PCDH11X: variants seen among roughly 807,000 people sequenced by gnomAD.
The protein encoded by PCDH11X is protocadherin-11 X-linked.
A neutral mutation model predicts 53.3 loss-of-function variants in PCDH11X; 18 were observed. The observed-to-expected ratio is 0.34, with a 90% CI of 0.23 to 0.50. The LOEUF (loss-of-function observed/expected upper bound fraction) is 0.50, where lower values mean the gene tolerates loss of function less well. Ranked by LOEUF, PCDH11X falls within the 20% of genes least tolerant of loss-of-function variation. PCDH11X has a pLI of 0.98. For synonymous variants in PCDH11X, 279 were observed against 393.3 expected (o/e 0.71, Z 3.44); for missense variants, 570 against 1,032.4 (o/e 0.55, Z 6.14).
chrX:92,054,744 C>T (rs370802217), intron 6 of PCDH11X, among the ~76,000 whole-genome samples: 44 of 99,172 alleles, frequency 4.4e-4, no homozygotes, highest in African/African-American at 1.6e-3. Flanking sequence ...CACTTGAACC[C>T]GGGAGGCAGA....
intron 6 of PCDH11X, among the ~76,000 whole-genome samples, chrX:92,064,570 G>A (rs1277696748): frequency 4.6e-5 from 5 of 109,827 alleles, no homozygotes; most frequent in Non-Finnish European, 7.6e-5. Context: ...CCTCTTCCCT[G>A]TTCCAGGCAA....
chrX:92,612,222 T>C (rs1602447689), intron 10 of PCDH11X, among the ~76,000 whole-genome samples: 1 of 110,912 alleles, frequency 9.0e-6, no homozygotes, highest in African/African-American at 3.3e-5. Flanking sequence ...CCATCTGGTC[T>C]GGGTTTTGTT....
intron 6 of PCDH11X, among the ~76,000 whole-genome samples, chrX:92,011,174 T>C (rs918177774): frequency 1.8e-5 from 2 of 112,330 alleles, no homozygotes; most frequent in Non-Finnish European, 3.8e-5. Flanking sequence ...GGAATAGTGC[T>C]GTAATGAACA....
chrX:92,335,991 T>A (rs1469550482), intron 8 of PCDH11X, among the ~76,000 whole-genome samples: 1 of 111,488 alleles, frequency 9.0e-6, no homozygotes, highest in Non-Finnish European at 1.9e-5. Flanking sequence ...AAATTCACTT[T>A]TGAGATGTAT....
intron 9 of PCDH11X, among the ~76,000 whole-genome samples, chrX:92,417,405 A>G (rs1442161899): frequency 1.8e-5 from 2 of 110,448 alleles, no homozygotes; most frequent in Non-Finnish European, 3.8e-5. Flanking sequence ...CAAAAGCTAC[A>G]TACTCTGTCT....
At chrX:92,558,609 C>A (rs1458629531) in intron 10 of PCDH11X, among the ~76,000 whole-genome samples, 3 of 110,466 alleles carry the variant, frequency 2.7e-5, no homozygotes, top group Non-Finnish European at 5.7e-5. Context: ...AAGATCAATT[C>A]TTTGTAAAGT....
At position 92,618,976 on chromosome X, in the gene PCDH11X, G is replaced by A. The variant is rs773031079; in HGVS notation, c.*36G>A. ...GTTACTTCAAATTTTCAGAAAAGAT[G>A]TATATAGTCAAAATTTAAGATACAA... On this transcript the variant is annotated 3_prime_UTR_variant, in exon 11 of 11. Coordinates refer to ENST00000682573, the MANE Select transcript of PCDH11X (RefSeq NM_032968.5). The A allele has an allele frequency of 3.4e-6, 4 of 1,176,426 alleles. No individual in the cohort carries two copies. Among genetic ancestry groups the A allele is most frequent in the Non-Finnish European group, 4.6e-6 (4 of 864,483 alleles).
intron 6 of PCDH11X, among the ~76,000 whole-genome samples, chrX:92,141,718 A>C (rs1453926167): frequency 8.9e-6 from 1 of 111,980 alleles, no homozygotes; most frequent in Non-Finnish European, 1.9e-5. Flanking sequence ...TTTCTAATGC[A>C]ATATTTTTAT....
chrX:92,136,725 T>G (rs1402224217), intron 6 of PCDH11X, among the ~76,000 whole-genome samples: 12 of 108,746 alleles, frequency 1.1e-4, no homozygotes, highest in Non-Finnish European at 2.1e-4. Flanking sequence ...GATAGAGCCT[T>G]GCAGGGCATT....
At chrX:92,573,979 C>T (rs1450278440) in intron 10 of PCDH11X, among the ~76,000 whole-genome samples, 1 of 110,312 alleles carries the variant, frequency 9.1e-6, no homozygotes, top group Non-Finnish European at 1.9e-5. Context: ...TGGCTTTTCC[C>T]GGCAGAATTG....
intron 10 of PCDH11X, among the ~76,000 whole-genome samples, chrX:92,567,695 G>A (rs1921642896): frequency 9.1e-6 from 1 of 110,041 alleles, no homozygotes; most frequent in African/African-American, 3.3e-5. Flanking sequence ...GGACAGCCTT[G>A]TCTTGTGCTG....
chrX:92,048,785 G>A (rs1181778508), intron 6 of PCDH11X, among the ~76,000 whole-genome samples: 2 of 111,962 alleles, frequency 1.8e-5, no homozygotes, highest in Admixed American at 9.5e-5. Flanking sequence ...ACCATGGCCC[G>A]TGACACAGCC....
At chrX:92,167,718 A>T (rs1327842269) in intron 6 of PCDH11X, among the ~76,000 whole-genome samples, 4 of 111,738 alleles carry the variant, frequency 3.6e-5, no homozygotes, top group Non-Finnish European at 3.8e-5. Context: ...GCTGGCCATG[A>T]ATTTTCTTCT....
intron 6 of PCDH11X, among the ~76,000 whole-genome samples, chrX:92,014,806 G>A (rs1223238796): frequency 2.7e-5 from 3 of 111,169 alleles, no homozygotes; most frequent in Non-Finnish European, 5.7e-5. Context: ...AACACCGCAT[G>A]TTCTCACTCA....
chrX:92,293,406 T>C (rs745742631), intron 8 of PCDH11X, among the ~76,000 whole-genome samples: 18 of 109,898 alleles, frequency 1.6e-4, no homozygotes, highest in African/African-American at 2.3e-4. Flanking sequence ...GGGCAGATCA[T>C]GAGGTCAGGA....
intron 6 of PCDH11X, among the ~76,000 whole-genome samples, chrX:92,163,724 T>G (rs1270272602): frequency 9.0e-6 from 1 of 110,892 alleles, no homozygotes; most frequent in East Asian, 2.9e-4. Context: ...TCCACTTCCT[T>G]CAGAGGGTCT....
chrX:91,934,736 T>C (rs1008039475), intron 6 of PCDH11X, among the ~76,000 whole-genome samples: 1 of 106,508 alleles, frequency 9.4e-6, no homozygotes, highest in Non-Finnish European at 1.9e-5. Context: ...ACTGGAACCA[T>C]CAAATTGTTG....
intron 6 of PCDH11X, among the ~76,000 whole-genome samples, chrX:91,999,957 T>C (rs889985188): frequency 5.4e-5 from 6 of 111,322 alleles, no homozygotes; most frequent in African/African-American, 2.0e-4. Flanking sequence ...AACATTGGCT[T>C]TCGTCGTCTT....
chrX:92,323,719 A>G lies in PCDH11X; in HGVS notation c.3144+60576A>G, dbSNP rs747671600. ...GATTACAACTATGTGCCTCTAGACA[A>G]GGGAAGTTATTAATCACTCCCCAAG... On this transcript the variant is annotated intron_variant, in intron 8 of 10. Coordinates refer to ENST00000682573, the MANE Select transcript of PCDH11X (RefSeq NM_032968.5). Among the ~76,000 whole-genome samples the G allele has an allele frequency of 4.5e-5, 5 of 111,044 alleles. No homozygotes were observed. In the East Asian group the frequency reaches 1.1e-3, roughly 25 times the overall value.
Sources: allele counts gnomAD v4.1 joint callset (sites outside exome capture counted in the v4.1 genomes callset), GRCh38; gene constraint gnomAD v4.1.1; transcripts MANE v1.5; gene names NCBI Gene and HGNC (gene_info 2026-07-23, HGNC 2026-07-21).